The following NFIB variants were observed in gnomAD, a reference collection of about 807,000 sequenced individuals.
The protein encoded by NFIB is nuclear factor 1 B-type.
A neutral mutation model predicts 61.5 loss-of-function variants in NFIB; 11 were observed. The observed-to-expected ratio is 0.18, with a 90% CI of 0.11 to 0.30. The LOEUF is 0.30. NFIB is among the 10% of genes least tolerant of loss of function. The probability of loss-of-function intolerance (pLI) is 1.00; values close to 1 mark genes in which losing one functional copy is unlikely to be tolerated. For missense variants in NFIB, 471 were observed against 608.9 expected, an observed-to-expected ratio of 0.77 and a Z score of 2.38; for synonymous variants, 260 against 216.5, an observed-to-expected ratio of 1.20 and a Z score of -1.76.
At chr9:14,255,266 T>A (rs765373105) in intron 2 of NFIB, among the ~76,000 whole-genome samples, 1 of 152,086 alleles carries the variant, frequency 6.6e-6, no homozygotes, top group Non-Finnish European at 1.5e-5. Context: ...GGCTGAACCA[T>A]GAGGAGTTAA....
intron 2 of NFIB, among the ~76,000 whole-genome samples, chr9:14,288,561 T>C (rs533987759): frequency 1.5e-4 from 23 of 152,270 alleles, no homozygotes; most frequent in African/African-American, 5.3e-4. Context: ...TTTGGTTTTG[T>C]TACATAACCC....
chr9:14,470,670 C>G, the NFIB span, among the ~76,000 whole-genome samples: 8 of 152,122 alleles, frequency 5.3e-5, no homozygotes, highest in African/African-American at 1.7e-4. Flanking sequence ...TGATTAGCAT[C>G]TTGTAGTATA....
chr9:14,412,488 G>T, the NFIB span, among the ~76,000 whole-genome samples: 1 of 152,310 alleles, frequency 6.6e-6, no homozygotes, highest in South Asian at 2.1e-4. Context: ...CTCTGAGTGT[G>T]AGAGATTCAA....
At chr9:14,157,987 T>C (rs1033308312) in intron 3 of NFIB, among the ~76,000 whole-genome samples, 13 of 151,716 alleles carry the variant, frequency 8.6e-5, no homozygotes, top group African/African-American at 3.1e-4. Context: ...GGCGGGCACC[T>C]GTAGTCTCAG....
At chr9:14,478,654 T>C in the NFIB span, among the ~76,000 whole-genome samples, 6 of 152,220 alleles carry the variant, frequency 3.9e-5, no homozygotes, top group African/African-American at 1.4e-4. Flanking sequence ...GGAACTTAAA[T>C]CAACCTTACT....
At chr9:14,210,244 T>C (rs906524046) in intron 2 of NFIB, among the ~76,000 whole-genome samples, 1 of 152,134 alleles carries the variant, frequency 6.6e-6, no homozygotes, top group Non-Finnish European at 1.5e-5. Flanking sequence ...ACTAAATATA[T>C]AGAGAGGCAT....
At chr9:14,416,491 T>G in the NFIB span, among the ~76,000 whole-genome samples, 5 of 150,152 alleles carry the variant, frequency 3.3e-5, no homozygotes, top group African/African-American at 1.2e-4. Flanking sequence ...TGTGTGTTTG[T>G]GTCCTAGTTT....
chr9:14,158,747 G>C (rs965522285), intron 3 of NFIB, among the ~76,000 whole-genome samples: 1 of 152,176 alleles, frequency 6.6e-6, no homozygotes, highest in Non-Finnish European at 1.5e-5. Context: ...GCTGAAGAGT[G>C]TATTTAGGCT....
At chr9:14,171,674 A>G (rs1036454874) in intron 3 of NFIB, among the ~76,000 whole-genome samples, 4 of 152,220 alleles carry the variant, frequency 2.6e-5, no homozygotes, top group African/African-American at 9.6e-5. Context: ...TGACTCCAGG[A>G]TATCTTAAAA....
At chr9:14,255,279 C>A (rs951857774) in intron 2 of NFIB, among the ~76,000 whole-genome samples, 2 of 152,102 alleles carry the variant, frequency 1.3e-5, no homozygotes, top group Non-Finnish European at 2.9e-5. Context: ...GGAGTTAACA[C>A]TTGGACATTT....
intron 1 of NFIB, among the ~76,000 whole-genome samples, chr9:14,374,572 C>T (rs185840129): frequency 6.6e-6 from 1 of 152,220 alleles, no homozygotes; most frequent in Admixed American, 6.5e-5. Flanking sequence ...AGTCTCAGCT[C>T]AGGAGTTGCT....
the NFIB span, among the ~76,000 whole-genome samples, chr9:14,415,292 G>A: frequency 9.2e-5 from 14 of 152,204 alleles, no homozygotes; most frequent in African/African-American, 3.1e-4. Context: ...ACTTCATCAA[G>A]CCAGCAAGGA....
chr9:14,336,861 T>G (rs1300160230), intron 1 of NFIB, among the ~76,000 whole-genome samples: 1 of 152,134 alleles, frequency 6.6e-6, no homozygotes, highest in Non-Finnish European at 1.5e-5. Context: ...AGATTTTAGG[T>G]TTTGCAGGTC....
the NFIB span, among the ~76,000 whole-genome samples, chr9:14,486,994 T>A: frequency 6.6e-6 from 1 of 152,230 alleles, no homozygotes; most frequent in Non-Finnish European, 1.5e-5. Context: ...GTATTTTAAT[T>A]TTTGTGTCAG....
intron 2 of NFIB, among the ~76,000 whole-genome samples, chr9:14,282,208 A>T (rs1383174857): frequency 6.6e-6 from 1 of 152,170 alleles, no homozygotes; most frequent in Non-Finnish European, 1.5e-5. Flanking sequence ...TTCAGTAACC[A>T]TTCAACTATT....
At chr9:14,499,339 C>T in the NFIB span, among the ~76,000 whole-genome samples, 4 of 152,218 alleles carry the variant, frequency 2.6e-5, no homozygotes, top group South Asian at 6.2e-4. Flanking sequence ...AGAAAAAGAG[C>T]TTCTTCAGTG....
At chr9:14,205,222 G>GC in intron 2 of NFIB, among the ~76,000 whole-genome samples, 1 of 62,382 alleles carries the variant, frequency 1.6e-5, no homozygotes, top group South Asian at 6.1e-4. Flanking sequence ...GAAGGGAGGG[G>GC]AGGGGAGGGG....
At chr9:14,491,252 T>C in the NFIB span, among the ~76,000 whole-genome samples, 1 of 152,200 alleles carries the variant, frequency 6.6e-6, no homozygotes, top group Non-Finnish European at 1.5e-5. Context: ...CACCCTGTGT[T>C]AGCTACAATT....
chr9:14,492,436 T>C, the NFIB span, among the ~76,000 whole-genome samples: 29 of 152,158 alleles, frequency 1.9e-4, 1 homozygote, highest in East Asian at 4.8e-3. Flanking sequence ...AGAGGTTTAC[T>C]TGGCTCACAG....
Sources: allele counts gnomAD v4.1 joint callset (sites outside exome capture counted in the v4.1 genomes callset), GRCh38; gene constraint gnomAD v4.1.1; transcripts MANE v1.5; gene names NCBI Gene and HGNC (gene_info 2026-07-23, HGNC 2026-07-21).